PEX2: variants seen among roughly 807,000 people sequenced by gnomAD.
PEX2 encodes peroxisome biogenesis factor 2.
PEX2 carries 19 observed loss-of-function variants against 25.2 expected under a neutral mutation model. That is an observed-to-expected ratio of 0.75 (90% CI 0.53 to 1.10). The LOEUF (loss-of-function observed/expected upper bound fraction) is 1.10, where lower values mean the gene tolerates loss of function less well. Among genes scored for constraint, PEX2 ranks in the 50% least tolerant of loss-of-function variants. The probability of loss-of-function intolerance (pLI) is 0.00; values close to 1 mark genes in which losing one functional copy is unlikely to be tolerated. For missense variants in PEX2, 347 were observed against 350.6 expected (o/e 0.99, Z 0.08); for synonymous variants, 141 against 127.7 (o/e 1.10, Z -0.70).
At chr8:76,989,711 A>G (rs1807109804) in intron 1 of PEX2, among the ~76,000 whole-genome samples, 3 of 152,200 alleles carry the variant, frequency 2.0e-5, no homozygotes. Context: ...AACAAGTCTC[A>G]CCTGTGTGCT....
At chr8:76,995,714 CAT>C (rs1158106079) in intron 1 of PEX2, among the ~76,000 whole-genome samples, 2 of 152,080 alleles carry the variant, frequency 1.3e-5, no homozygotes, top group Non-Finnish European at 2.9e-5. Flanking sequence ...GCATGGCACT[CAT>C]ATTTTTTTCT....
In PEX2 at chr8:77,000,072, C is replaced by T. The variant is rs2132065746; in HGVS notation, c.-242G>A. 2.4e-6 allele frequency: 1 copy of T among 420,436 alleles called. No homozygotes were observed. Among genetic ancestry groups the T allele is most frequent in the Admixed American group, 2.7e-5 (1 of 37,004 alleles). 26.0% of individuals were successfully genotyped at this position (420,436 alleles called of 1,614,324 possible). On this transcript the variant is annotated 5_prime_UTR_variant, in exon 1 of 4. Coordinates refer to ENST00000357039, the MANE Select transcript of PEX2 (RefSeq NM_000318.3). The stretch of plus-strand genomic sequence containing the variant: ...AAAGCTTGTCTTTTCCTAGCCGAAT[C>T]TGGATTACCAAGGCTTCCGGAACTC...
rs572125860 is a variant in PEX2, at chr8:76,982,088, T to C, written c.*1173A>G. On this transcript the variant is annotated 3_prime_UTR_variant, in exon 4 of 4. Transcript: ENST00000357039. Reference sequence around the variant, plus strand: ...TCCATCATACTAGCAAGATGTTTATTTAAAAACATTTAAAAACTGTTTTTT... The same window carrying C: ...TCCATCATACTAGCAAGATGTTTATCTAAAAACATTTAAAAACTGTTTTTT... 1 of 152,344 alleles carries C rather than the reference T, an allele frequency of 6.6e-6. No homozygotes were observed. The highest frequency in any genetic ancestry group is 2.1e-4 in the South Asian group (1 of 4,822). 9.4% of individuals were successfully genotyped at this position (152,344 alleles called of 1,614,324 possible).
At chr8:76,994,025 T>C (rs1271605577) in intron 1 of PEX2, among the ~76,000 whole-genome samples, 2 of 151,004 alleles carry the variant, frequency 1.3e-5, no homozygotes, top group Non-Finnish European at 3.0e-5. Context: ...TGTGATTAAC[T>C]TGTCACATAA....
Position 76,982,967 on chromosome 8 carries a change from G to A in PEX2, c.*294C>T. ...TCTTTAGAATCCAACCTTGTTTTAA[G>A]AAGTAGTAAAATGAAGGAGCATTGT... On this transcript the variant is annotated 3_prime_UTR_variant, in exon 4 of 4. Transcript: ENST00000357039. 1.7e-6 allele frequency: 1 copy of A among 575,038 alleles called. No individual in the cohort carries two copies. Among genetic ancestry groups the A allele is most frequent in the East Asian group, 4.7e-5 (1 of 21,336 alleles). The allele number at this position is 575,038 out of a possible 1,614,324, so 35.6% of individuals were successfully genotyped here.
rs1586080034 is a variant in PEX2, at chr8:76,998,049, G to C, written c.-160+1941C>G. Among the ~76,000 whole-genome samples, 5 of 152,320 alleles carry C rather than the reference G, an allele frequency of 3.3e-5. No individual in the cohort carries two copies. The South Asian group carries it at 1.0e-3, about 32-fold the overall frequency. ...ACAGAGAACATCCAATTTGCTTCTA[G>C]GTTGTCCAACTCAGATCATCAAAAG... On this transcript the variant is annotated intron_variant, in intron 1 of 3. Transcript: ENST00000357039.
rs1168221146 is a variant in PEX2, at chr8:76,981,714, T to G, written c.*1547A>C. The G allele has an allele frequency of 6.6e-6, 1 of 152,172 alleles. No homozygotes were observed. Among genetic ancestry groups the G allele is most frequent in the Non-Finnish European group, 1.5e-5 (1 of 68,018 alleles). 9.4% of individuals were successfully genotyped at this position (152,172 alleles called of 1,614,324 possible). On this transcript the variant is annotated 3_prime_UTR_variant, in exon 4 of 4. Transcript: ENST00000357039. The stretch of plus-strand genomic sequence containing the variant: ...CAACAAATCTACAAATATAGTAAAA[T>G]ATAGTGATGATCTCTCTCAAAAAAT...
chr8:76,983,191 A>T lies in PEX2; in HGVS notation c.*70T>A. The T allele has an allele frequency of 1.3e-6, 2 of 1,599,522 alleles. No homozygotes were observed. Among genetic ancestry groups the T allele is most frequent in the Non-Finnish European group, 1.7e-6 (2 of 1,179,406 alleles). ...CTTATAAAGGATACATAAATGGTAT[A>T]CTTAGGATGACTAATATTAAGAATT... On this transcript the variant is annotated 3_prime_UTR_variant, in exon 4 of 4. Coordinates refer to ENST00000357039, the MANE Select transcript of PEX2 (RefSeq NM_000318.3).
rs989797988 is a variant in PEX2, at chr8:76,983,068, C to T, written c.*193G>A. 1 of 1,378,454 alleles carries T rather than the reference C, an allele frequency of 7.3e-7. No individual in the cohort carries two copies. Among genetic ancestry groups the T allele is most frequent in the African/African-American group, 1.5e-5 (1 of 68,420 alleles). 85.4% of individuals were successfully genotyped at this position (1,378,454 alleles called of 1,614,324 possible). A position where few individuals can be genotyped will look rare whatever the true frequency, so the allele number is the denominator to read the frequency against. ...ATGCAATGATTTAAAAAACATAATA[C>T]ATTAACATTTACATAATATATTTAG... On this transcript the variant is annotated 3_prime_UTR_variant, in exon 4 of 4. Coordinates refer to ENST00000357039, the MANE Select transcript of PEX2 (RefSeq NM_000318.3).
Position 76,983,384 on chromosome 8 carries a change from A to T in PEX2, c.795T>A (p.Tyr265Ter). Residue 265 changes from tyrosine to a stop codon, truncating the protein, a stop_gained, in exon 4 of 4, where the codon TAT (tyrosine) becomes TAA (stop). Coordinates refer to ENST00000357039, the MANE Select transcript of PEX2 (RefSeq NM_000318.3). LOFTEE classifies it high-confidence loss of function. The stretch of plus-strand genomic sequence containing the variant: ...ATAAGAAACTACTCTTAGCACAGAA[A>T]TAACAGAAAATATGCTCACATCCTA... Reference protein sequence around the residue: ...HTIGCEHIFCYFCAKSSFLFD... With the variant: ...HTIGCEHIFC 2.5e-6 allele frequency: 4 copies of T among 1,614,130 alleles called. No individual in the cohort carries two copies. Among genetic ancestry groups the T allele is most frequent in the Non-Finnish European group, 3.4e-6 (4 of 1,180,020 alleles).
intron 1 of PEX2, among the ~76,000 whole-genome samples, chr8:76,990,259 G>C (rs1238077575): frequency 6.9e-6 from 1 of 144,790 alleles, no homozygotes; most frequent in African/African-American, 2.5e-5. Context: ...TGGCTTAAAG[G>C]AATTTTGTGG....
chr8:76,985,175 CAAAAA>C (rs34238954), intron 3 of PEX2, among the ~76,000 whole-genome samples: 1 of 138,732 alleles, frequency 7.2e-6, no homozygotes. Flanking sequence ...CCACCCATGA[CAAAAA>C]AAAAAAAAAA....
intron 1 of PEX2, among the ~76,000 whole-genome samples, chr8:76,992,450 T>A (rs972769543): frequency 6.6e-6 from 1 of 152,150 alleles, no homozygotes; most frequent in African/African-American, 2.4e-5. Flanking sequence ...CTCCTCTCTT[T>A]CTGGCAGGTA....
In PEX2 at chr8:76,986,427, G is replaced by A. The variant is rs186385154; in HGVS notation, c.-127-131C>T. ...ACCCATCTGTCACTCCCTATCCCCC[G>A]CAAGCCTTTTCCTGAATTCTGGCTG... On this transcript the variant is annotated intron_variant, in intron 2 of 3. Transcript: ENST00000357039. 289 of 152,310 alleles carry A rather than the reference G, an allele frequency of 1.9e-3. 1 individual carries two copies. Among genetic ancestry groups the A allele is most frequent in the Non-Finnish European group, 2.9e-3 (200 of 68,124 alleles). 9.4% of individuals were successfully genotyped at this position (152,310 alleles called of 1,614,324 possible).
intron 1 of PEX2, among the ~76,000 whole-genome samples, chr8:76,993,423 A>C (rs956841012): frequency 2.0e-5 from 3 of 152,146 alleles, no homozygotes; most frequent in Non-Finnish European, 4.4e-5. Context: ...CATGGAAATC[A>C]AGAGGAAGAC....
At chr8:76,996,048 G>C (rs1164094677) in intron 1 of PEX2, among the ~76,000 whole-genome samples, 2 of 152,108 alleles carry the variant, frequency 1.3e-5, no homozygotes, top group Non-Finnish European at 2.9e-5. Flanking sequence ...AGCAATACAG[G>C]ACATGAGGAA....
Position 76,998,729 on chromosome 8 carries a change from G to C in PEX2, c.-160+1261C>G, listed in dbSNP as rs1807406236. Among the ~76,000 whole-genome samples the C allele has an allele frequency of 2.0e-5, 3 of 152,230 alleles. No individual in the cohort carries two copies. In the South Asian group the frequency reaches 6.2e-4, roughly 32 times the overall value. ...ATAAACCTGAGGGTGGGCTTGCTTT[G>C]TCTCTCCCTGCACGGCTCCAGAAAA... is the stretch of plus-strand genomic sequence containing the variant. On this transcript the variant is annotated intron_variant, in intron 1 of 3. Coordinates refer to ENST00000357039, the MANE Select transcript of PEX2 (RefSeq NM_000318.3).
rs763651452 is a variant in PEX2, at chr8:76,980,967, G to C, written c.*2294C>G. ...CCATGTACACTCATCAAAAAAATGAGAGCCAAAGGATAAAGCCTGTCTCAA... is the reference window on the plus strand; with the variant it reads ...CCATGTACACTCATCAAAAAAATGACAGCCAAAGGATAAAGCCTGTCTCAA... On this transcript the variant is annotated 3_prime_UTR_variant, in exon 4 of 4. Coordinates refer to ENST00000357039, the MANE Select transcript of PEX2 (RefSeq NM_000318.3). 6 of 152,144 alleles carry C rather than the reference G, an allele frequency of 3.9e-5. No homozygotes were observed. The highest frequency in any genetic ancestry group is 9.7e-5 in the African/African-American group (4 of 41,422). 9.4% of individuals were successfully genotyped at this position (152,144 alleles called of 1,614,324 possible).
chr8:76,984,141 C>A lies in PEX2; in HGVS notation c.38G>T (p.Arg13Ile). The change falls in exon 4 of 4, where the codon AGA becomes ATA. Residue 13 changes from arginine (R) to isoleucine (I), a missense_variant. Coordinates refer to ENST00000357039, the MANE Select transcript of PEX2 (RefSeq NM_000318.3). ...ATCCAACTGGCTTATTCTTAGCACT[C>A]TGTTTGCACTCTTCGCATTCTCTTT... is the stretch of plus-strand genomic sequence containing the variant. ...SRKENAKSAN[R>I]VLRISQLDAL... 1 of 1,614,144 alleles carries A rather than the reference C, an allele frequency of 6.2e-7. No homozygotes were observed. The highest frequency in any genetic ancestry group is 8.5e-7 in the Non-Finnish European group (1 of 1,180,006).
Sources: allele counts gnomAD v4.1 joint callset (sites outside exome capture counted in the v4.1 genomes callset), GRCh38; gene constraint gnomAD v4.1.1; transcripts MANE v1.5; gene names NCBI Gene and HGNC (gene_info 2026-07-23, HGNC 2026-07-21).